Variants in DPH6 observed in about 807,000 individuals in gnomAD.
DPH6 encodes the protein diphthine--ammonia ligase.
DPH6 carries 33 observed loss-of-function variants against 38.2 expected under a neutral mutation model. The ratio of observed to expected loss-of-function variants is 0.86; its 90% CI spans 0.65 to 1.15. The LOEUF (loss-of-function observed/expected upper bound fraction) is 1.15, where lower values mean the gene tolerates loss of function less well. Among genes scored for constraint, DPH6 ranks in the 50% most tolerant of loss-of-function variants. The probability of loss-of-function intolerance (pLI) is 0.00; values close to 1 mark genes in which losing one functional copy is unlikely to be tolerated. For synonymous variants in DPH6, 108 were observed against 103.0 expected (o/e 1.05, Z -0.30); for missense variants, 325 against 320.0 (o/e 1.02, Z -0.12).
In DPH6 at chr15:35,436,283, G is replaced by A. The variant is rs577642267; in HGVS notation, c.505+14402C>T. 4.3e-4 allele frequency among the ~76,000 whole-genome samples: 65 copies of A among 151,382 alleles called. No individual in the cohort carries two copies. The South Asian group carries it at 0.011, about 25-fold the overall frequency. ...AGATCAAGACCATCTTGGCTAACAT[G>A]GTGAAACCCCGTCTCTACTAAAAAT... On this transcript the variant is annotated intron_variant, in intron 5 of 8. Transcript: ENST00000256538.
intron 3 of DPH6, among the ~76,000 whole-genome samples, chr15:35,224,105 T>G (rs1039074223): frequency 2.3e-5 from 3 of 129,114 alleles, no homozygotes; most frequent in Non-Finnish European, 4.6e-5. Context: ...TTTTAGTTTT[T>G]TTTTTTTTTT....
At chr15:35,375,749 T>C (rs1277534964) in intron 7 of DPH6, among the ~76,000 whole-genome samples, 2 of 152,036 alleles carry the variant, frequency 1.3e-5, no homozygotes, top group Non-Finnish European at 2.9e-5. Context: ...AATGGGCAGC[T>C]GGGTTTGGTT....
intron 6 of DPH6, among the ~76,000 whole-genome samples, chr15:35,383,636 T>G (rs1419650170): frequency 6.6e-6 from 1 of 152,216 alleles, no homozygotes; most frequent in Non-Finnish European, 1.5e-5. Flanking sequence ...TATTGACACA[T>G]AGGTTCCAAG....
intron 3 of DPH6, among the ~76,000 whole-genome samples, chr15:35,527,523 T>G (rs1233657396): frequency 6.6e-6 from 1 of 152,128 alleles, no homozygotes; most frequent in African/African-American, 2.4e-5. Flanking sequence ...CTTAGCTTTG[T>G]GTATTAAACT....
intron 3 of DPH6, among the ~76,000 whole-genome samples, chr15:35,500,318 T>C (rs1469265454): frequency 1.3e-5 from 2 of 152,136 alleles, no homozygotes; most frequent in African/African-American, 4.8e-5. Flanking sequence ...AATGAATGGG[T>C]TGTTGATGAC....
the DPH6 span, among the ~76,000 whole-genome samples, chr15:35,160,375 C>A: frequency 6.6e-6 from 1 of 151,958 alleles, no homozygotes; most frequent in Non-Finnish European, 1.5e-5. Flanking sequence ...TCCACAGAAA[C>A]CATTCTTGTC....
chr15:35,534,330 T>C (rs2055134799), intron 3 of DPH6, among the ~76,000 whole-genome samples: 1 of 148,284 alleles, frequency 6.7e-6, no homozygotes, highest in African/African-American at 2.5e-5. Context: ...TGAGCCAAGA[T>C]TGTGCCATTG....
chr15:35,491,852 C>T (rs1409563924), intron 3 of DPH6, among the ~76,000 whole-genome samples: 1 of 150,324 alleles, frequency 6.7e-6, no homozygotes, highest in Non-Finnish European at 1.5e-5. Flanking sequence ...TACTATAAAT[C>T]TATATGTATA....
intron 3 of DPH6, among the ~76,000 whole-genome samples, chr15:35,297,584 T>C (rs916539873): frequency 2.0e-5 from 3 of 152,148 alleles, no homozygotes; most frequent in Non-Finnish European, 2.9e-5. Context: ...AAAAGTGCTA[T>C]AGGACTTGAT....
At chr15:35,369,611 C>A, downstream of DPH6, among the ~76,000 whole-genome samples, 2 of 141,204 alleles carry the variant, frequency 1.4e-5, no homozygotes, top group African/African-American at 2.7e-5. Flanking sequence ...CACCTTAAAG[C>A]CTGTTATATG....
At chr15:35,380,116 C>A (rs1051356973) in intron 7 of DPH6, among the ~76,000 whole-genome samples, 3 of 152,192 alleles carry the variant, frequency 2.0e-5, no homozygotes, top group Non-Finnish European at 4.4e-5. Flanking sequence ...TACATACCTG[C>A]GTGGTAGCAC....
At chr15:35,430,384 C>A (rs1307421798) in intron 5 of DPH6, among the ~76,000 whole-genome samples, 10 of 141,556 alleles carry the variant, frequency 7.1e-5, no homozygotes, top group African/African-American at 2.8e-4. Context: ...GTTAAACAAC[C>A]TTCATACTGA....
intron 3 of DPH6, chr15:35,520,230 C>CAA: frequency 2.1e-5 from 8 of 372,694 alleles, no homozygotes; most frequent in Non-Finnish European, 2.5e-5. Context: ...CAAAAAAAAA[C>CAA]AAAAAAAAAA....
chr15:35,166,040 A>G, the DPH6 span, among the ~76,000 whole-genome samples: 1 of 151,972 alleles, frequency 6.6e-6, no homozygotes, highest in Admixed American at 6.6e-5. Flanking sequence ...TTCACTTTTG[A>G]AACTGATGTG....
chr15:35,375,736 T>A (rs954363644), intron 7 of DPH6, among the ~76,000 whole-genome samples: 2 of 151,854 alleles, frequency 1.3e-5, no homozygotes, highest in Non-Finnish European at 2.9e-5. Context: ...CTTAACAACA[T>A]CAAATGGGCA....
At chr15:35,265,858 T>C (rs745315215) in intron 3 of DPH6, among the ~76,000 whole-genome samples, 2 of 152,198 alleles carry the variant, frequency 1.3e-5, no homozygotes, top group Non-Finnish European at 1.5e-5. Flanking sequence ...AGCAGTATTG[T>C]GAAGTAACAT....
chr15:35,252,584 G>A lies in DPH6; in HGVS notation n.201-32002C>T, dbSNP rs181253399. On this transcript the variant is annotated intron_variant and non_coding_transcript_variant, in intron 3 of 3. Coordinates refer to the DPH6 transcript ENST00000560386. Reference sequence around the variant, plus strand: ...AAACATACCTTGAGAAGCACTGCTGGAGGGTTATATAACGTGACACAGTAA... The same window carrying A: ...AAACATACCTTGAGAAGCACTGCTGAAGGGTTATATAACGTGACACAGTAA... Among the ~76,000 whole-genome samples the A allele has an allele frequency of 5.3e-5, 8 of 152,328 alleles. No homozygotes were observed. In the East Asian group the frequency reaches 1.5e-3, roughly 29 times the overall value.
Position 35,543,258 on chromosome 15 carries a change from TAATATATATATA to T in DPH6, c.24-763_24-752del, listed in dbSNP as rs1238685902. ...CATACATATAGTACACACATACACA[TAATATATATATA>T]TATATATATATATATATATATATAT... On this transcript the variant is annotated intron_variant, in intron 1 of 8. Transcript: ENST00000256538. Among the ~76,000 whole-genome samples the T allele has an allele frequency of 4.4e-4, 41 of 92,630 alleles. 3 individuals carry two copies. The highest frequency in any genetic ancestry group is 1.3e-3 in the African/African-American group (28 of 22,360). The allele number at this position is 92,630 out of a possible 152,430, so 60.8% of individuals were successfully genotyped here. A position where few individuals can be genotyped will look rare whatever the true frequency, so the allele number is the denominator to read the frequency against.
At chr15:35,256,285 T>C (rs2051707764) in intron 3 of DPH6, among the ~76,000 whole-genome samples, 1 of 152,202 alleles carries the variant, frequency 6.6e-6, no homozygotes, top group South Asian at 2.1e-4. Flanking sequence ...TATAGTCATA[T>C]CTCCTTAGGC....
Sources: allele counts gnomAD v4.1 joint callset (sites outside exome capture counted in the v4.1 genomes callset), GRCh38; gene constraint gnomAD v4.1.1; transcripts MANE v1.5; gene names NCBI Gene and HGNC (gene_info 2026-07-23, HGNC 2026-07-21).